DNAJC5B: variants seen among roughly 807,000 people sequenced by gnomAD.
The protein encoded by DNAJC5B is DnaJ heat shock protein family (Hsp40) member C5 beta.
DNAJC5B carries 23 observed loss-of-function variants against 24.7 expected under a neutral mutation model. The ratio of observed to expected loss-of-function variants is 0.93; its 90% confidence interval spans 0.67 to 1.32. DNAJC5B has a LOEUF of 1.32. DNAJC5B is among the 40% of genes most tolerant of loss of function. The probability of loss-of-function intolerance (pLI) is 0.00; values close to 1 mark genes in which losing one functional copy is unlikely to be tolerated. For synonymous variants in DNAJC5B, 101 were observed against 90.1 expected (o/e 1.12, Z -0.68); for missense variants, 238 against 240.8 (o/e 0.99, Z 0.08).
At chr8:66,090,247 A>G (rs1382557415) in intron 5 of DNAJC5B, among the ~76,000 whole-genome samples, 15 of 134,052 alleles carry the variant, frequency 1.1e-4, no homozygotes, top group Non-Finnish European at 2.1e-4. Flanking sequence ...GTGTGCGTGC[A>G]GGCATGTGTG....
At chr8:66,037,699 T>C (rs759813151) in intron 1 of DNAJC5B, among the ~76,000 whole-genome samples, 22 of 152,214 alleles carry the variant, frequency 1.4e-4, no homozygotes, top group Admixed American at 3.9e-4. Flanking sequence ...CAACAGCATA[T>C]TGTAAATAGC....
chr8:66,024,066 G>A (rs923761105), intron 1 of DNAJC5B, among the ~76,000 whole-genome samples: 13 of 152,196 alleles, frequency 8.5e-5, no homozygotes, highest in South Asian at 2.1e-4. Context: ...ATTAACCTTA[G>A]AGATGTCTGG....
chr8:66,033,874 G>A (rs1423147795), intron 1 of DNAJC5B, among the ~76,000 whole-genome samples: 1 of 151,158 alleles, frequency 6.6e-6, no homozygotes, highest in Non-Finnish European at 1.5e-5. Flanking sequence ...CCCTAGAGGT[G>A]GAAAGAGAAT....
chr8:66,024,080 G>A (rs369807427), intron 1 of DNAJC5B, among the ~76,000 whole-genome samples: 3 of 152,180 alleles, frequency 2.0e-5, no homozygotes, highest in African/African-American at 7.2e-5. Flanking sequence ...TGTCTGGTAA[G>A]TATTTTCTAG....
chr8:66,032,325 T>A (rs942257552), intron 1 of DNAJC5B, among the ~76,000 whole-genome samples: 4 of 152,240 alleles, frequency 2.6e-5, no homozygotes, highest in Non-Finnish European at 4.4e-5. Flanking sequence ...CCTGAACATG[T>A]GGGACCTGAG....
intron 1 of DNAJC5B, among the ~76,000 whole-genome samples, chr8:66,041,098 A>G (rs1806598527): frequency 6.6e-6 from 1 of 152,216 alleles, no homozygotes; most frequent in Non-Finnish European, 1.5e-5. Context: ...TTTCCCAAGT[A>G]AGTTAACACA....
At chr8:66,048,427 G>A (rs28396782) in intron 2 of DNAJC5B, among the ~76,000 whole-genome samples, 47,617 of 151,990 alleles carry the variant, frequency 0.31, 9,639 homozygotes, top group African/African-American at 0.58. Context: ...CCTATGAAAC[G>A]GTTTCAAAGT....
At chr8:66,035,310 G>A (rs1479251092) in intron 1 of DNAJC5B, among the ~76,000 whole-genome samples, 1 of 152,228 alleles carries the variant, frequency 6.6e-6, no homozygotes, top group Non-Finnish European at 1.5e-5. Context: ...TGCTGCGCCT[G>A]TAAAAGAGAC....
chr8:66,019,633 G>A (rs1451679179), upstream of DNAJC5B, among the ~76,000 whole-genome samples: 1 of 152,140 alleles, frequency 6.6e-6, no homozygotes, highest in Admixed American at 6.5e-5. Flanking sequence ...CCAGTAAAAT[G>A]TATGAATTAA....
intron 3 of DNAJC5B, among the ~76,000 whole-genome samples, chr8:66,073,447 T>C (rs1190448098): frequency 6.6e-6 from 1 of 151,920 alleles, no homozygotes; most frequent in Non-Finnish European, 1.5e-5. Context: ...GCAATTGCAA[T>C]AAAAATCTCA....
chr8:66,090,801 C>T (rs1352767221), intron 5 of DNAJC5B, among the ~76,000 whole-genome samples: 5 of 152,188 alleles, frequency 3.3e-5, no homozygotes, highest in Admixed American at 1.3e-4. Flanking sequence ...ATTCATCCTT[C>T]CCCTTTTTGC....
intron 2 of DNAJC5B, among the ~76,000 whole-genome samples, chr8:66,049,872 G>A (rs1806808830): frequency 6.6e-6 from 1 of 152,156 alleles, no homozygotes; most frequent in Non-Finnish European, 1.5e-5. Flanking sequence ...ACAACTATCT[G>A]TTGATTTATG....
At chr8:66,061,154 G>A (rs1807071792) in intron 3 of DNAJC5B, among the ~76,000 whole-genome samples, 1 of 152,156 alleles carries the variant, frequency 6.6e-6, no homozygotes, top group African/African-American at 2.4e-5. Flanking sequence ...GGTGGTGCTT[G>A]CCTATAGTCC....
chr8:66,044,037 G>A (rs1297608591), intron 2 of DNAJC5B, among the ~76,000 whole-genome samples: 3 of 152,010 alleles, frequency 2.0e-5, no homozygotes, highest in Non-Finnish European at 2.9e-5. Flanking sequence ...TGGCCAGGCT[G>A]GTCTGGAACT....
chr8:66,080,732 C>G (rs985631347), intron 5 of DNAJC5B, among the ~76,000 whole-genome samples, 184 bp downstream of exon 5: 31 of 152,072 alleles, frequency 2.0e-4, no homozygotes, highest in African/African-American at 7.0e-4. Context: ...CTTTACCAGG[C>G]ATAGAGAAAA....
At chr8:66,052,737 A>T (rs1290942782) in intron 3 of DNAJC5B, among the ~76,000 whole-genome samples, 1 of 152,156 alleles carries the variant, frequency 6.6e-6, no homozygotes, top group Non-Finnish European at 1.5e-5. Flanking sequence ...TCCCACCTAT[A>T]AGGCATGTAG....
At chr8:66,052,242 G>GCAAC (rs200874009) in intron 3 of DNAJC5B, among the ~76,000 whole-genome samples, 2,575 of 151,846 alleles carry the variant, frequency 0.017, 80 homozygotes, top group African/African-American at 0.059. Context: ...ACAGGCATGA[G>GCAAC]CAACCGCGCC....
chr8:66,028,211 A>C (rs1175310419), intron 1 of DNAJC5B, among the ~76,000 whole-genome samples: 1 of 152,142 alleles, frequency 6.6e-6, no homozygotes, highest in Non-Finnish European at 1.5e-5. Flanking sequence ...GGAGAAAAAC[A>C]ATTTCCTAGT....
intron 3 of DNAJC5B, among the ~76,000 whole-genome samples, chr8:66,060,163 A>T (rs1807049746): frequency 6.6e-6 from 1 of 152,214 alleles, no homozygotes; most frequent in Non-Finnish European, 1.5e-5. Context: ...ACACATGCTC[A>T]GGGGGTGAGC....
Sources: gnomAD v4.1 joint callset for allele counts (sites outside exome capture counted in the v4.1 genomes callset) on GRCh38, gnomAD v4.1.1 for gene constraint, MANE v1.5 for transcripts, NCBI Gene and HGNC (gene_info 2026-07-23, HGNC 2026-07-21) for gene names.